The following PTPRD variants were observed in gnomAD, a reference collection of about 807,000 sequenced individuals.
PTPRD encodes the protein protein tyrosine phosphatase receptor type D, also known as receptor-type tyrosine-protein phosphatase delta.
A neutral mutation model predicts 214.5 loss-of-function variants in PTPRD; 34 were observed. The ratio of observed to expected loss-of-function variants is 0.16; its 90% CI spans 0.12 to 0.21. The LOEUF is 0.21. Ranked by LOEUF, PTPRD falls within the 10% of genes least tolerant of loss-of-function variation. PTPRD has a pLI of 1.00. For missense variants in PTPRD, 2,545 were observed against 2,398.7 expected (o/e 1.06, Z -1.27); for synonymous variants, 1,128 against 845.7 (o/e 1.33, Z -5.79).
At chr9:10,003,322 C>A (rs1359691427) in intron 4 of PTPRD, among the ~76,000 whole-genome samples, 2 of 151,720 alleles carry the variant, frequency 1.3e-5, no homozygotes, top group East Asian at 1.9e-4. Context: ...ACTTAGATTT[C>A]ATAAATAGAT....
At chr9:8,964,863 T>C (rs1398863553) in intron 11 of PTPRD, among the ~76,000 whole-genome samples, 1 of 152,102 alleles carries the variant, frequency 6.6e-6, no homozygotes, top group Non-Finnish European at 1.5e-5. Context: ...CTTTGAGAAA[T>C]CTTTTTGGTA....
chr9:8,817,068 C>T (rs1223523483), intron 11 of PTPRD, among the ~76,000 whole-genome samples: 2 of 152,122 alleles, frequency 1.3e-5, no homozygotes, highest in Non-Finnish European at 2.9e-5. Context: ...AATATTTTTC[C>T]TTCGGTATAG....
intron 8 of PTPRD, among the ~76,000 whole-genome samples, chr9:9,519,452 AT>A (rs1196421584): frequency 6.6e-6 from 1 of 151,988 alleles, no homozygotes; most frequent in Non-Finnish European, 1.5e-5. Flanking sequence ...TGAAAGCCTA[AT>A]CAAAGAAAAG....
chr9:8,715,955 C>G (rs1175249385), intron 12 of PTPRD, among the ~76,000 whole-genome samples: 2 of 152,236 alleles, frequency 1.3e-5, no homozygotes, highest in Non-Finnish European at 2.9e-5. Flanking sequence ...GGGCAATGCC[C>G]TTTGGAGCAC....
intron 18 of PTPRD, 153 bp downstream of exon 18, chr9:8,524,772 T>C (rs1490899779): frequency 3.9e-6 from 3 of 773,294 alleles, no homozygotes; most frequent in Non-Finnish European, 4.7e-6. Context: ...ACATTTTAAA[T>C]TTTTAACTTT....
At chr9:8,552,247 G>T (rs1443231170) in intron 14 of PTPRD, among the ~76,000 whole-genome samples, 1 of 152,132 alleles carries the variant, frequency 6.6e-6, no homozygotes, top group Non-Finnish European at 1.5e-5. Flanking sequence ...AAAAGTCACA[G>T]ATCTTTGGAA....
intron 9 of PTPRD, among the ~76,000 whole-genome samples, chr9:9,300,996 C>G (rs185220737): frequency 6.6e-6 from 1 of 151,728 alleles, no homozygotes; most frequent in African/African-American, 2.4e-5. Context: ...AAAGCACCAG[C>G]ACTATGTTAA....
intron 3 of PTPRD, among the ~76,000 whole-genome samples, chr9:10,278,879 A>C (rs1030968416): frequency 6.6e-6 from 1 of 151,894 alleles, no homozygotes; most frequent in African/African-American, 2.4e-5. Context: ...GGTTCAAGCC[A>C]TTCTCCTGCC....
At chr9:8,850,969 C>T (rs1795702874) in intron 11 of PTPRD, among the ~76,000 whole-genome samples, 6 of 152,120 alleles carry the variant, frequency 3.9e-5, no homozygotes, top group Admixed American at 3.9e-4. Context: ...ACTGGATCAG[C>T]ATTTGATGTG....
intron 9 of PTPRD, among the ~76,000 whole-genome samples, chr9:9,198,122 G>A (rs1235803072): frequency 6.6e-6 from 1 of 152,114 alleles, no homozygotes; most frequent in Non-Finnish European, 1.5e-5. Flanking sequence ...TAAAATTTGA[G>A]GTTTATATTT....
chr9:9,849,786 A>G (rs532402452), intron 5 of PTPRD, among the ~76,000 whole-genome samples: 1 of 152,266 alleles, frequency 6.6e-6, no homozygotes, highest in South Asian at 2.1e-4. Flanking sequence ...TCCAAACCAG[A>G]AAGCCTCTAA....
At chr9:9,629,716 A>T (rs2095531485) in intron 7 of PTPRD, among the ~76,000 whole-genome samples, 1 of 152,032 alleles carries the variant, frequency 6.6e-6, no homozygotes, top group Non-Finnish European at 1.5e-5. Context: ...GGGTAAGGAG[A>T]GAGGAAAATG....
chr9:8,389,134 C>G, intron 37 of PTPRD, 98 bp downstream of exon 37: 2 of 1,047,348 alleles, frequency 1.9e-6, no homozygotes, highest in African/African-American at 1.6e-5. Context: ...GAAAGATAAG[C>G]CTTAGGGAAA....
At chr9:10,051,602 C>A (rs998149708) in intron 3 of PTPRD, among the ~76,000 whole-genome samples, 6 of 151,282 alleles carry the variant, frequency 4.0e-5, no homozygotes, top group African/African-American at 1.5e-4. Flanking sequence ...CCTCCCCACT[C>A]CCCCCACCCC....
At chr9:10,576,340 T>G (rs2069327091) in intron 2 of PTPRD, among the ~76,000 whole-genome samples, 1 of 152,160 alleles carries the variant, frequency 6.6e-6, no homozygotes, top group African/African-American at 2.4e-5. Flanking sequence ...TTTCTGTTGC[T>G]TTTTAATGGC....
At chr9:9,052,091 G>A (rs1230040367) in intron 10 of PTPRD, among the ~76,000 whole-genome samples, 4 of 152,174 alleles carry the variant, frequency 2.6e-5, no homozygotes, top group African/African-American at 4.8e-5. Context: ...GAGCCACACA[G>A]ACTCAGTGTG....
chr9:9,232,132 C>T (rs2133886052), intron 9 of PTPRD, among the ~76,000 whole-genome samples: 1 of 152,238 alleles, frequency 6.6e-6, no homozygotes, highest in Middle Eastern at 3.4e-3. Flanking sequence ...AAGTTGAGAT[C>T]CTTTAGTATG....
chr9:10,441,579 C>T (rs978583103), intron 2 of PTPRD, among the ~76,000 whole-genome samples: 1 of 151,324 alleles, frequency 6.6e-6, no homozygotes, highest in Non-Finnish European at 1.5e-5. Flanking sequence ...CTCATCATAT[C>T]TCAACTTATC....
chr9:9,241,580 G>A (rs1346485110), intron 9 of PTPRD, among the ~76,000 whole-genome samples: 1 of 152,034 alleles, frequency 6.6e-6, no homozygotes, highest in East Asian at 1.9e-4. Flanking sequence ...TGCTTTACAG[G>A]TGGGTAAAAA....
Sources: gnomAD v4.1 joint callset for allele counts (sites outside exome capture counted in the v4.1 genomes callset) on GRCh38, gnomAD v4.1.1 for gene constraint, MANE v1.5 for transcripts, NCBI Gene and HGNC (gene_info 2026-07-23, HGNC 2026-07-21) for gene names.